Variants in TCF7L2 observed in about 807,000 individuals in gnomAD.
TCF7L2 encodes transcription factor 7 like 2.
Under a neutral mutation model 77.9 loss-of-function variants are expected in TCF7L2, and 23 were observed. The observed-to-expected ratio is 0.30, with a 90% CI of 0.21 to 0.42. The LOEUF (loss-of-function observed/expected upper bound fraction) is 0.42. Among genes scored for constraint, TCF7L2 ranks in the 10% least tolerant of loss-of-function variants. TCF7L2 has a pLI of 1.00. For synonymous variants in TCF7L2, 413 were observed against 340.2 expected, an observed-to-expected ratio of 1.21 and a Z score of -2.36; for missense variants, 654 against 793.1, an observed-to-expected ratio of 0.82 and a Z score of 2.11.
chr10:113,151,884 G>A lies in TCF7L2; in HGVS notation c.1161G>A (p.Arg387=), dbSNP rs2137155705. The A allele has an allele frequency of 1.9e-6, 3 of 1,598,642 alleles. No homozygotes were observed. The Admixed American group carries it at 5.4e-5, about 29-fold the overall frequency. ...CCATCAACCAGATCCTTGGGCGGAG[G>A]GTAGGTGACGCCCTTCTCAGGGAGA... The change falls in exon 10 of 14, where the codon AGG becomes AGA. Residue 387 remains arginine (R), a splice_region_variant and synonymous_variant. Transcript: ENST00000627217. This position sits in a 1 kb window ranked among gnomAD's most constrained non-coding sequence, Gnocchi z 5.2.
rs775586417 is a variant in TCF7L2, at chr10:112,951,599, G to A, written c.373G>A (p.Ala125Thr). 6.6e-5 allele frequency: 85 copies of A among 1,295,682 alleles called. No homozygotes were observed. Among genetic ancestry groups the A allele is most frequent in the Non-Finnish European group, 1.1e-5 (11 of 995,530 alleles). 80.3% of individuals were successfully genotyped at this position (1,295,682 alleles called of 1,614,324 possible). A position where few individuals can be genotyped will look rare whatever the true frequency, so the allele number is the denominator to read the frequency against. Residue 125 changes from alanine (A) to threonine (T), a missense_variant, in exon 3 of 14, where the codon GCC becomes ACC. This residue lies in a region of TCF7L2 where 132 missense variants were observed against 123.7 expected (regional missense o/e 1.07). Coordinates refer to ENST00000627217, the MANE Select transcript of TCF7L2 (RefSeq NM_001146274.2). Reference sequence around the variant, plus strand: ...CCCCAACGGATCGCTCTCGCCCACCGCCCGAACCGTAAGTGCCTCCGCGCC... The same window carrying A: ...CCCCAACGGATCGCTCTCGCCCACCACCCGAACCGTAAGTGCCTCCGCGCC...
chr10:113,007,237 G>A (rs1454862976), intron 4 of TCF7L2, among the ~76,000 whole-genome samples: 7 of 152,196 alleles, frequency 4.6e-5, no homozygotes, highest in Non-Finnish European at 1.0e-4. Flanking sequence ...AGGCGCTTTC[G>A]TTCTGGGGGG....
At chr10:112,974,342 GA>G (rs989679110) in intron 4 of TCF7L2, among the ~76,000 whole-genome samples, 1 of 152,144 alleles carries the variant, frequency 6.6e-6, no homozygotes, top group African/African-American at 2.4e-5. Context: ...CTACCAGAAA[GA>G]AAAAAACAAC....
intron 4 of TCF7L2, among the ~76,000 whole-genome samples, chr10:112,976,876 A>T (rs138049083): frequency 6.6e-6 from 1 of 152,164 alleles, no homozygotes; most frequent in Non-Finnish European, 1.5e-5. Flanking sequence ...GGCATCATCC[A>T]AACAGTGGTA....
chr10:113,162,252 T>C (rs919259762), intron 13 of TCF7L2, among the ~76,000 whole-genome samples: 1 of 152,222 alleles, frequency 6.6e-6, no homozygotes, highest in East Asian at 1.9e-4. Context: ...AATGTACAAC[T>C]GACACTATTG....
chr10:113,049,686 CCT>C (rs1564826277), intron 5 of TCF7L2, among the ~76,000 whole-genome samples: 1 of 152,122 alleles, frequency 6.6e-6, no homozygotes, highest in Non-Finnish European at 1.5e-5. Flanking sequence ...ATATCACAGA[CCT>C]CTATACTGAA....
intron 5 of TCF7L2, among the ~76,000 whole-genome samples, chr10:113,107,540 G>A (rs905501549): frequency 6.6e-6 from 1 of 151,296 alleles, no homozygotes; most frequent in Non-Finnish European, 1.5e-5. Flanking sequence ...TCAGGAAATC[G>A]AGACCATCCT....
chr10:113,097,148 G>A (rs2061078384), intron 5 of TCF7L2, among the ~76,000 whole-genome samples: 1 of 152,204 alleles, frequency 6.6e-6, no homozygotes, highest in Non-Finnish European at 1.5e-5. Context: ...GCTCATCCCA[G>A]CTCCTGCCTG....
In TCF7L2 at chr10:112,950,647, T is replaced by G; in HGVS notation, c.-110T>G. 2.3e-6 allele frequency: 3 copies of G among 1,324,920 alleles called. No individual in the cohort carries two copies. Among genetic ancestry groups the G allele is most frequent in the Non-Finnish European group, 3.0e-6 (3 of 984,086 alleles). The allele number at this position is 1,324,920 out of a possible 1,614,324, so 82.1% of individuals were successfully genotyped here. ...AAAAAAGTTCACCTTGGACTCGTCT[T>G]TTTCTTGCAATATTTTTTGGGGGGG... On this transcript the variant is annotated 5_prime_UTR_variant, in exon 1 of 14. Transcript: ENST00000627217.
chr10:113,043,997 C>T (rs1382331512), intron 5 of TCF7L2, among the ~76,000 whole-genome samples: 1 of 152,116 alleles, frequency 6.6e-6, no homozygotes, highest in Non-Finnish European at 1.5e-5. Context: ...ATGTATCTTA[C>T]AAAACGGCAA....
chr10:113,110,013 T>C (rs915116223), intron 5 of TCF7L2, among the ~76,000 whole-genome samples: 2 of 152,200 alleles, frequency 1.3e-5, no homozygotes, highest in African/African-American at 4.8e-5. Context: ...TATGCTTACA[T>C]TTTGAAAACA....
intron 3 of TCF7L2, among the ~76,000 whole-genome samples, chr10:112,952,987 CTTATT>C (rs1317325594): frequency 1.3e-5 from 2 of 152,132 alleles, no homozygotes; most frequent in Non-Finnish European, 2.9e-5. Context: ...TCCCCTACCC[CTTATT>C]TACACACACG....
intron 5 of TCF7L2, among the ~76,000 whole-genome samples, chr10:113,068,117 C>G (rs1197917242): frequency 6.6e-6 from 1 of 152,096 alleles, no homozygotes. Flanking sequence ...CTTATTAAAC[C>G]CGCTTAGGAG....
At chr10:113,126,769 G>A in intron 5 of TCF7L2, 1 of 985,472 alleles carries the variant, frequency 1.0e-6, no homozygotes, top group Non-Finnish European at 1.2e-6. Flanking sequence ...CAGGGCGGGT[G>A]CTGCCCTCCA....
chr10:113,129,671 C>T, intron 5 of TCF7L2: 2 of 1,189,994 alleles, frequency 1.7e-6, no homozygotes, highest in Non-Finnish European at 2.1e-6. Context: ...GGCCAGGAAT[C>T]TGGAGCCATT....
chr10:112,989,765 A>C (rs1201748712), intron 4 of TCF7L2, among the ~76,000 whole-genome samples: 1 of 152,154 alleles, frequency 6.6e-6, no homozygotes, highest in African/African-American at 2.4e-5. Context: ...ATTTGGACCA[A>C]GGTGGGGTAG....
intron 4 of TCF7L2, among the ~76,000 whole-genome samples, chr10:112,995,063 T>G (rs2043218691): frequency 6.6e-6 from 1 of 152,162 alleles, no homozygotes; most frequent in South Asian, 2.1e-4. Context: ...ATCATGCCAT[T>G]GCACTCCAGC....
chr10:113,089,261 A>C lies in TCF7L2; in HGVS notation c.552+49135A>C. 4 of 976,972 alleles carry C rather than the reference A, an allele frequency of 4.1e-6. No individual in the cohort carries two copies. In the South Asian group the frequency reaches 7.5e-5, roughly 18 times the overall value. The allele number at this position is 976,972 out of a possible 1,614,324, so 60.5% of individuals were successfully genotyped here. On this transcript the variant is annotated intron_variant, in intron 5 of 13. Coordinates refer to ENST00000627217, the MANE Select transcript of TCF7L2 (RefSeq NM_001146274.2). ...TAGGAGAGTTCTGATTTGTGCTGGGAACTGTAATCCCTCTATCATGGAGCT... is the reference window on the plus strand; with the variant it reads ...TAGGAGAGTTCTGATTTGTGCTGGGCACTGTAATCCCTCTATCATGGAGCT...
At chr10:113,040,233 C>T (rs183311049) in intron 5 of TCF7L2, 107 bp downstream of exon 5, 6 of 947,136 alleles carry the variant, frequency 6.3e-6, no homozygotes, top group African/African-American at 3.3e-5. Flanking sequence ...TTTCTTTAAA[C>T]ACATTTTCTT....
Sources: allele counts gnomAD v4.1 joint callset (sites outside exome capture counted in the v4.1 genomes callset), GRCh38; gene constraint gnomAD v4.1.1; regional missense constraint gnomAD v4.1.1; non-coding constraint Gnocchi (gnomAD v3.1); transcripts MANE v1.5; gene names NCBI Gene and HGNC (gene_info 2026-07-23, HGNC 2026-07-21).